Variants in SCAP observed in about 807,000 individuals in gnomAD.
SCAP encodes the protein sterol regulatory element-binding protein cleavage-activating protein.
SCAP carries 65 observed loss-of-function variants against 123.6 expected under a neutral mutation model. The observed-to-expected ratio is 0.53, with a 90% CI of 0.43 to 0.65. SCAP has a LOEUF of 0.65. Ranked by LOEUF, SCAP falls within the 30% of genes least tolerant of loss-of-function variation. SCAP has a pLI of 0.00. For missense variants in SCAP, 1,398 were observed against 1,712.5 expected (o/e 0.82, Z 3.24); for synonymous variants, 740 against 726.3 (o/e 1.02, Z -0.30).
chr3:47,428,458 T>A (rs1427708746), intron 4 of SCAP, 55 bp downstream of exon 4: 1 of 1,558,824 alleles, frequency 6.4e-7, no homozygotes. Context: ...GGACTGTAAC[T>A]CTCCCTTCAG....
chr3:47,436,000 GATTATAC>G (rs555805729), intron 2 of SCAP, among the ~76,000 whole-genome samples: 198 of 152,162 alleles, frequency 1.3e-3, no homozygotes, highest in African/African-American at 4.6e-3. Flanking sequence ...AGTGAGCCAT[GATTATAC>G]CACTGCACTC....
chr3:47,454,637 G>A (rs1707349002), intron 1 of SCAP, among the ~76,000 whole-genome samples: 1 of 151,994 alleles, frequency 6.6e-6, no homozygotes, highest in South Asian at 2.1e-4. Flanking sequence ...GCTGAGGCAG[G>A]AGAATCGCTT....
chr3:47,427,110 T>G, intron 6 of SCAP, 47 bp downstream of exon 6: 1 of 1,382,252 alleles, frequency 7.2e-7, no homozygotes, highest in Middle Eastern at 1.8e-4. Context: ...CAAAGCCTCA[T>G]GTCACCCAGC....
intron 3 of SCAP, among the ~76,000 whole-genome samples, chr3:47,429,953 G>C (rs919068419): frequency 6.6e-6 from 1 of 152,150 alleles, no homozygotes; most frequent in Admixed American, 6.5e-5. Context: ...AAGATCAAAG[G>C]ACCCAATTTT....
intron 1 of SCAP, among the ~76,000 whole-genome samples, chr3:47,448,534 G>T (rs1029364067): frequency 6.6e-6 from 1 of 151,398 alleles, no homozygotes. Context: ...TTGTCCCATG[G>T]GTCCCTGAAG....
At chr3:47,417,249 C>T (rs775686586) in intron 17 of SCAP, 42 bp from the exon 18 acceptor site, 1 of 1,612,530 alleles carries the variant, frequency 6.2e-7, no homozygotes, top group Non-Finnish European at 8.5e-7. Flanking sequence ...GCCAGAAAGG[C>T]CCACAATCCC....
chr3:47,474,779 AGAGT>A (rs1484911354), intron 1 of SCAP, among the ~76,000 whole-genome samples: 1 of 152,192 alleles, frequency 6.6e-6, no homozygotes, highest in East Asian at 1.9e-4. Flanking sequence ...CCTGGGAGAC[AGAGT>A]GAGACCCTGT....
chr3:47,474,391 TAC>T (rs1708187193), intron 1 of SCAP, among the ~76,000 whole-genome samples: 1 of 152,246 alleles, frequency 6.6e-6, no homozygotes, highest in Admixed American at 6.5e-5. Context: ...AATATATTTA[TAC>T]AGTGTTAAAT....
At chr3:47,467,459 G>C (rs1707866775) in intron 1 of SCAP, among the ~76,000 whole-genome samples, 2 of 151,784 alleles carry the variant, frequency 1.3e-5, no homozygotes, top group Non-Finnish European at 2.9e-5. Flanking sequence ...ATGAATATAA[G>C]CCAGGCATGG....
At chr3:47,452,426 A>G (rs1369765012) in intron 1 of SCAP, among the ~76,000 whole-genome samples, 1 of 152,208 alleles carries the variant, frequency 6.6e-6, no homozygotes, top group Non-Finnish European at 1.5e-5. Flanking sequence ...AGATATTATT[A>G]GGACAGTGCT....
chr3:47,473,247 G>A (rs1708138826), intron 1 of SCAP, among the ~76,000 whole-genome samples: 1 of 151,820 alleles, frequency 6.6e-6, no homozygotes, highest in Non-Finnish European at 1.5e-5. Flanking sequence ...TCCGTAAAGG[G>A]GGTGATAACA....
intron 14 of SCAP, 65 bp downstream of exon 14, chr3:47,418,590 C>T (rs1384472082): frequency 6.5e-6 from 10 of 1,550,230 alleles, no homozygotes; most frequent in Admixed American, 1.9e-5. Context: ...TCCCTCTCCC[C>T]TACTCTTGCC....
intron 1 of SCAP, among the ~76,000 whole-genome samples, chr3:47,472,297 G>T (rs1304548404): frequency 3.3e-5 from 5 of 150,898 alleles, no homozygotes; most frequent in Admixed American, 3.3e-4. Context: ...AGCCGGGCGC[G>T]GTGGCGGGCG....
chr3:47,417,700 G>A lies in SCAP; in HGVS notation c.2574C>T (p.Pro858=). ...PGDSPPLRHR[P]RGPPPPSLFG... ...AGAGGGAAGGCGGCGGAGGGCCCCG[G>A]GGGCGGTGTCTCAGGGGAGGGCTGT... Residue 858 remains proline, a synonymous_variant, in exon 17 of 23, where the codon CCC becomes CCT. Transcript: ENST00000265565. 6.2e-7 allele frequency: 1 copy of A among 1,608,694 alleles called. No individual in the cohort carries two copies. Among genetic ancestry groups the A allele is most frequent in the South Asian group, 1.1e-5 (1 of 90,782 alleles).
In SCAP at chr3:47,468,285, G is replaced by C. The variant is rs541555777; in HGVS notation, c.-99+7514C>G. On this transcript the variant is annotated intron_variant, in intron 1 of 22. Transcript: ENST00000265565. ...GTATTTCTAGTTCTAGATCCTTGAGGAATCGCCACACTGTCTTCCACAATG... is the reference window on the plus strand; with the variant it reads ...GTATTTCTAGTTCTAGATCCTTGAGCAATCGCCACACTGTCTTCCACAATG... Among the ~76,000 whole-genome samples the C allele has an allele frequency of 2.9e-3, 437 of 152,260 alleles. 2 individuals carry two copies. Among genetic ancestry groups the C allele is most frequent in the African/African-American group, 9.9e-3 (410 of 41,566 alleles).
At chr3:47,415,254 G>C (rs1026019747) in intron 18 of SCAP, 74 bp from the exon 19 acceptor site, 2 of 1,381,924 alleles carry the variant, frequency 1.4e-6, no homozygotes, top group South Asian at 1.4e-5. Context: ...GTGGACATGA[G>C]AGTTAAGGGC....
intron 3 of SCAP, among the ~76,000 whole-genome samples, chr3:47,434,227 C>T (rs1287239296): frequency 6.6e-6 from 1 of 152,224 alleles, no homozygotes; most frequent in East Asian, 1.9e-4. Context: ...GGGAGGAGAG[C>T]TCTGTTCGCT....
chr3:47,419,816 G>T lies in SCAP; in HGVS notation c.1564-112C>A. ...GGGACCTCAGGCCTGGGGATGGAGA[G>T]AGGACACAGGCCCCACTGCGTCCTT... On this transcript the variant is annotated intron_variant, in intron 12 of 22. Coordinates refer to ENST00000265565, the MANE Select transcript of SCAP (RefSeq NM_012235.4). This position sits in a 1 kb window ranked among gnomAD's most constrained non-coding sequence, Gnocchi z 5.0. The T allele has an allele frequency of 7.9e-7, 1 of 1,272,114 alleles. No individual in the cohort carries two copies. Among genetic ancestry groups the T allele is most frequent in the Non-Finnish European group, 1.1e-6 (1 of 942,804 alleles). The allele number at this position is 1,272,114 out of a possible 1,614,324, so 78.8% of individuals were successfully genotyped here.
intron 1 of SCAP, among the ~76,000 whole-genome samples, chr3:47,475,209 G>A (rs1040460590): frequency 1.3e-5 from 2 of 151,558 alleles, no homozygotes; most frequent in African/African-American, 4.9e-5. Context: ...GATTCAAACA[G>A]TCCGGAGCCA....
Sources: gnomAD v4.1 joint callset for allele counts (sites outside exome capture counted in the v4.1 genomes callset) on GRCh38, gnomAD v4.1.1 for gene constraint, Gnocchi (gnomAD v3.1) non-coding constraint, MANE v1.5 for transcripts, NCBI Gene and HGNC (gene_info 2026-07-23, HGNC 2026-07-21) for gene names.